JAKMIP1: variants seen among roughly 807,000 people sequenced by gnomAD.
JAKMIP1 encodes the protein janus kinase and microtubule interacting protein 1.
Under a neutral mutation model 113.0 loss-of-function variants are expected in JAKMIP1, and 33 were observed. The observed-to-expected ratio is 0.29, with a 90% CI of 0.22 to 0.39. The LOEUF (loss-of-function observed/expected upper bound fraction) is 0.39. Among genes scored for constraint, JAKMIP1 ranks in the 10% least tolerant of loss-of-function variants. JAKMIP1 has a pLI of 1.00. For missense variants in JAKMIP1, 813 were observed against 1,080.5 expected, an observed-to-expected ratio of 0.75 and a Z score of 3.47; for synonymous variants, 480 against 459.9, an observed-to-expected ratio of 1.04 and a Z score of -0.56.
At chr4:6,149,373 A>G (rs1721279697) in intron 1 of JAKMIP1, among the ~76,000 whole-genome samples, 1 of 152,194 alleles carries the variant, frequency 6.6e-6, no homozygotes, top group South Asian at 2.1e-4. Context: ...TGCTTGGCCC[A>G]GGCCCACCCA....
chr4:6,120,124 A>G (rs1716483021), intron 1 of JAKMIP1, among the ~76,000 whole-genome samples: 1 of 152,096 alleles, frequency 6.6e-6, no homozygotes, highest in Non-Finnish European at 1.5e-5. Context: ...CTAGGTTGGT[A>G]GAGTCAAATC....
intron 1 of JAKMIP1, among the ~76,000 whole-genome samples, chr4:6,117,325 G>T (rs1486377129): frequency 6.6e-6 from 1 of 152,144 alleles, no homozygotes; most frequent in Non-Finnish European, 1.5e-5. Context: ...GGGCGTCCGG[G>T]GGAGACATCA....
intron 1 of JAKMIP1, among the ~76,000 whole-genome samples, chr4:6,169,974 CACCACT>C (rs1177146283): frequency 7.9e-4 from 94 of 119,650 alleles, no homozygotes; most frequent in Non-Finnish European, 1.2e-3. Context: ...CCACCACCAC[CACCACT>C]ACCACCACCA....
In JAKMIP1 at chr4:6,067,521, A is replaced by G. The variant is rs919810196; in HGVS notation, c.1303-2513T>C. Among the ~76,000 whole-genome samples, 2 of 152,122 alleles carry G rather than the reference A, an allele frequency of 1.3e-5. No homozygotes were observed. The highest frequency in any genetic ancestry group is 4.8e-5 in the African/African-American group (2 of 41,382). Reference sequence around the variant, plus strand: ...TGGACTCTTCCAACCAGCTCTAGAGAGCAGTGGTAGTGACATCCCATGGTG... The same window carrying G: ...TGGACTCTTCCAACCAGCTCTAGAGGGCAGTGGTAGTGACATCCCATGGTG... On this transcript the variant is annotated intron_variant, in intron 8 of 20. Coordinates refer to ENST00000409021, the MANE Select transcript of JAKMIP1 (RefSeq NM_001099433.2). This position sits in a 1 kb window ranked among gnomAD's most constrained non-coding sequence, Gnocchi z 4.6.
chr4:6,055,859 G>C (rs1716336937), intron 12 of JAKMIP1, among the ~76,000 whole-genome samples: 1 of 150,540 alleles, frequency 6.6e-6, no homozygotes, highest in African/African-American at 2.5e-5. Context: ...CAGAGGTCGG[G>C]GCAGCCCTCC....
rs1332116907 is a variant in JAKMIP1 at position 6,176,728 on chromosome 4, C to T, written c.-148+23525G>A. 2.0e-5 allele frequency among the ~76,000 whole-genome samples: 3 copies of T among 152,090 alleles called. No individual in the cohort carries two copies. The highest frequency in any genetic ancestry group is 4.4e-5 in the Non-Finnish European group (3 of 68,034). On this transcript the variant is annotated intron_variant, in intron 1 of 20. Transcript: ENST00000409021. The surrounding 1 kb of genome is among the most constrained non-coding windows in gnomAD (Gnocchi z 5.5). ...CTGTGTGGCCAGCAAGAAATTGGAG[C>T]CTATATCAAAGTGGTGGGAAAAGCT...
intron 10 of JAKMIP1, among the ~76,000 whole-genome samples, chr4:6,060,881 T>A (rs1717178493): frequency 6.6e-6 from 1 of 152,218 alleles, no homozygotes; most frequent in Admixed American, 6.5e-5. Context: ...AACCTGAAGC[T>A]CATTCAGCCA....
rs902941046 is a variant in JAKMIP1 at position 6,061,029 on chromosome 4, G to A, written c.1561-522C>T. On this transcript the variant is annotated intron_variant, in intron 10 of 20. Coordinates refer to ENST00000409021, the MANE Select transcript of JAKMIP1 (RefSeq NM_001099433.2). This position sits in a 1 kb window ranked among gnomAD's most constrained non-coding sequence, Gnocchi z 5.3. ...ATAAGGGAAGTCAACTGGGTGTGGG[G>A]TAACAGGGAGTGGTGGGGACTGTGG... is the stretch of plus-strand genomic sequence containing the variant. Among the ~76,000 whole-genome samples the A allele has an allele frequency of 6.6e-6, 1 of 152,198 alleles. No homozygotes were observed. The highest frequency in any genetic ancestry group is 1.5e-5 in the Non-Finnish European group (1 of 68,044).
At position 6,051,773 on chromosome 4, in the gene JAKMIP1, G is replaced by A. The variant is rs73073431; in HGVS notation, c.1807-1094C>T. 0.045 allele frequency among the ~76,000 whole-genome samples: 6,831 copies of A among 152,136 alleles called. 452 individuals carry two copies. The highest frequency in any genetic ancestry group is 0.14 in the African/African-American group (5,916 of 41,480). On this transcript the variant is annotated intron_variant, in intron 13 of 20. Transcript: ENST00000409021. The surrounding 1 kb of genome is among the most constrained non-coding windows in gnomAD (Gnocchi z 5.0). ...GTCGGGAAAACCTAATTACTTACAG[G>A]GCTAAAGCACAGTGGCAGAACAGGA...
In JAKMIP1 at chr4:6,187,918, A is replaced by G. The variant is rs1283429660; in HGVS notation, c.-148+12335T>C. ...TGCCTCACGTCATTTTTGCTCCTTT[A>G]TTCTTCCATTACTGCCTTCTTTTGC... is the stretch of plus-strand genomic sequence containing the variant. On this transcript the variant is annotated intron_variant, in intron 1 of 20. Transcript: ENST00000409021. This position sits in a 1 kb window ranked among gnomAD's most constrained non-coding sequence, Gnocchi z 4.2. Among the ~76,000 whole-genome samples, 4 of 151,978 alleles carry G rather than the reference A, an allele frequency of 2.6e-5. No individual in the cohort carries two copies. The highest frequency in any genetic ancestry group is 9.7e-5 in the African/African-American group (4 of 41,354).
At chr4:6,098,363 G>A (rs112130116) in intron 3 of JAKMIP1, among the ~76,000 whole-genome samples, 5,796 of 152,074 alleles carry the variant, frequency 0.038, 142 homozygotes, top group South Asian at 0.059. Context: ...AATCCAGGAG[G>A]TGGAGGTTGC....
At position 6,040,545 on chromosome 4, in the gene JAKMIP1, G is replaced by A; in HGVS notation, c.2175+94C>T. On this transcript the variant is annotated intron_variant, in intron 18 of 20. Coordinates refer to ENST00000409021, the MANE Select transcript of JAKMIP1 (RefSeq NM_001099433.2). This position sits in a 1 kb window ranked among gnomAD's most constrained non-coding sequence, Gnocchi z 5.8. ...TTTATCACTCCTGTTTGGCACTGGG[G>A]AGCGCCCTAAATGCAGTTTCAGCCC... The A allele has an allele frequency of 1.2e-6, 1 of 829,748 alleles. No individual in the cohort carries two copies. The highest frequency in any genetic ancestry group is 2.2e-4 in the Middle Eastern group (1 of 4,602). The allele number at this position is 829,748 out of a possible 1,614,324, so 51.4% of individuals were successfully genotyped here.
At chr4:6,128,685 A>G (rs569315271) in intron 1 of JAKMIP1, among the ~76,000 whole-genome samples, 1 of 152,194 alleles carries the variant, frequency 6.6e-6, no homozygotes, top group South Asian at 2.1e-4. Context: ...GCACTGCCCA[A>G]GTCCCATGCT....
At chr4:6,037,412 AC>A (rs1408993233) in intron 18 of JAKMIP1, among the ~76,000 whole-genome samples, 3 of 117,590 alleles carry the variant, frequency 2.6e-5, no homozygotes, top group South Asian at 2.7e-4. Flanking sequence ...GCAGAGGTTA[AC>A]CCAGTAGCCC....
In JAKMIP1 at chr4:6,142,416, C is replaced by T. The variant is rs370367805; in HGVS notation, c.-147-29419G>A. 1.4e-4 allele frequency among the ~76,000 whole-genome samples: 22 copies of T among 152,286 alleles called. No homozygotes were observed. The East Asian group carries it at 3.5e-3, about 24-fold the overall frequency. On this transcript the variant is annotated intron_variant, in intron 1 of 20. Transcript: ENST00000409021. The surrounding 1 kb of genome is among the most constrained non-coding windows in gnomAD (Gnocchi z 5.5). ...CCCGAGTCCAGTGTTTTTTAAACGA[C>T]TGGTTTTTGCACCTCCAGCCAAAGT...
chr4:6,170,544 C>CACT, intron 1 of JAKMIP1, among the ~76,000 whole-genome samples: 1 of 150,868 alleles, frequency 6.6e-6, no homozygotes, highest in South Asian at 2.1e-4. Context: ...CCACCACCAC[C>CACT]TCCATCACCA....
In JAKMIP1 at chr4:6,147,273, G is replaced by T. The variant is rs537262681; in HGVS notation, c.-147-34276C>A. ...CACCGCACCAAGCCTTAACTCAGTTGTGTTTTTTGTTTTTTTGTTTTGTTT... is the reference window on the plus strand; with the variant it reads ...CACCGCACCAAGCCTTAACTCAGTTTTGTTTTTTGTTTTTTTGTTTTGTTT... On this transcript the variant is annotated intron_variant, in intron 1 of 20. Transcript: ENST00000409021. Among the ~76,000 whole-genome samples the T allele has an allele frequency of 2.6e-5, 4 of 152,146 alleles. No homozygotes were observed. The East Asian group carries it at 7.7e-4, about 29-fold the overall frequency.
rs910460877 is a variant in JAKMIP1 at position 6,183,336 on chromosome 4, G to A, written c.-148+16917C>T. ...TGTACTAAAAATACAAAAATTAGCCGGGCTTGGTGGCGGGTGCCTGTAATA... is the reference window on the plus strand; with the variant it reads ...TGTACTAAAAATACAAAAATTAGCCAGGCTTGGTGGCGGGTGCCTGTAATA... On this transcript the variant is annotated intron_variant, in intron 1 of 20. Coordinates refer to ENST00000409021, the MANE Select transcript of JAKMIP1 (RefSeq NM_001099433.2). This position sits in a 1 kb window ranked among gnomAD's most constrained non-coding sequence, Gnocchi z 5.3. Among the ~76,000 whole-genome samples the A allele has an allele frequency of 6.6e-5, 10 of 151,776 alleles. No homozygotes were observed. The highest frequency in any genetic ancestry group is 1.0e-4 in the Non-Finnish European group (7 of 67,928).
intron 13 of JAKMIP1, among the ~76,000 whole-genome samples, chr4:6,052,070 G>A (rs1298299846): frequency 6.6e-6 from 1 of 152,134 alleles, no homozygotes; most frequent in Non-Finnish European, 1.5e-5. Context: ...GGCTTAAGAA[G>A]ATGCTCTGGG....
Sources: gnomAD v4.1 joint callset for allele counts (sites outside exome capture counted in the v4.1 genomes callset) on GRCh38, gnomAD v4.1.1 for gene constraint, Gnocchi (gnomAD v3.1) non-coding constraint, MANE v1.5 for transcripts, NCBI Gene and HGNC (gene_info 2026-07-23, HGNC 2026-07-21) for gene names.